The following CLIP4 variants were observed in gnomAD, a reference collection of about 807,000 sequenced individuals.
CLIP4 encodes the protein CAP-Gly domain-containing linker protein 4.
CLIP4 carries 47 observed loss-of-function variants against 73.1 expected under a neutral mutation model. The ratio of observed to expected loss-of-function variants is 0.64; its 90% CI spans 0.51 to 0.82. The LOEUF is 0.82. Ranked by LOEUF, CLIP4 falls within the 40% of genes least tolerant of loss-of-function variation. CLIP4 has a pLI of 0.00. For synonymous variants in CLIP4, 306 were observed against 295.4 expected (o/e 1.04, Z -0.37); for missense variants, 874 against 852.9 (o/e 1.02, Z -0.31).
chr2:29,144,403 T>C (rs1572944936), intron 7 of CLIP4, among the ~76,000 whole-genome samples: 1 of 152,198 alleles, frequency 6.6e-6, no homozygotes. Flanking sequence ...AGGATTTGTG[T>C]GGAAAAGAGG....
At chr2:29,138,262 G>A (rs899134861) in intron 6 of CLIP4, among the ~76,000 whole-genome samples, 2 of 151,984 alleles carry the variant, frequency 1.3e-5, no homozygotes, top group Non-Finnish European at 2.9e-5. Context: ...TGAGTAGAGT[G>A]TCCTTTCCCT....
chr2:29,147,752 T>C (rs1389163850), intron 8 of CLIP4, among the ~76,000 whole-genome samples: 2 of 152,184 alleles, frequency 1.3e-5, no homozygotes, highest in African/African-American at 4.8e-5. Flanking sequence ...TAAATTGTTG[T>C]TAACCATCTT....
chr2:29,169,166 A>G (rs1014267432), intron 14 of CLIP4, among the ~76,000 whole-genome samples: 4 of 152,210 alleles, frequency 2.6e-5, no homozygotes, highest in Non-Finnish European at 4.4e-5. Flanking sequence ...GTGACAAAGT[A>G]CCACAGACTG....
intron 8 of CLIP4, 122 bp from the exon 9 acceptor site, chr2:29,152,563 A>C: frequency 1.0e-6 from 1 of 977,664 alleles, no homozygotes; most frequent in South Asian, 1.8e-5. Flanking sequence ...TCCTCTCATC[A>C]TAGGACATGC....
chr2:29,133,956 G>C (rs866731799), intron 5 of CLIP4, 140 bp downstream of exon 5: 1 of 677,878 alleles, frequency 1.5e-6, no homozygotes, highest in African/African-American at 1.8e-5. Context: ...TTCTGAGATA[G>C]TTTAAAATTT....
rs200072625 is a variant in CLIP4 at position 29,140,053 on chromosome 2, TTTTA to T, written c.649-3644_649-3641del. Among the ~76,000 whole-genome samples the T allele has an allele frequency of 7.2e-3, 1,102 of 152,074 alleles. 13 individuals are homozygous for T. The highest frequency in any genetic ancestry group is 0.024 in the African/African-American group (999 of 41,520). ...GTTCTTATTTATTTTTTTAACGTGT[TTTTA>T]TTTATTTATTTTTATTTTTTATTTT... is the stretch of plus-strand genomic sequence containing the variant. On this transcript the variant is annotated intron_variant, in intron 6 of 15. Transcript: ENST00000320081.
Position 29,163,811 on chromosome 2 carries a change from A to G in CLIP4, c.1535-20A>G, listed in dbSNP as rs971182828. 1 of 1,605,182 alleles carries G rather than the reference A, an allele frequency of 6.2e-7. No individual in the cohort carries two copies. Among genetic ancestry groups the G allele is most frequent in the African/African-American group, 1.3e-5 (1 of 74,536 alleles). On this transcript the variant is annotated intron_variant, in intron 12 of 15. Transcript: ENST00000320081. ...TGGATAAAGTACAGATGCTTTTGAA[A>G]TGCAATATTCATGTTCTAGGATATT...
intron 8 of CLIP4, among the ~76,000 whole-genome samples, chr2:29,152,263 T>C (rs945613325): frequency 1.1e-4 from 17 of 152,198 alleles, no homozygotes; most frequent in African/African-American, 4.1e-4. Context: ...TATGGCTCAC[T>C]GTTATTTGCC....
chr2:29,121,326 T>C, intron 1 of CLIP4, 48 bp from the exon 2 acceptor site: 1 of 1,520,092 alleles, frequency 6.6e-7, no homozygotes, highest in Non-Finnish European at 8.8e-7. Context: ...TCATTCTAAG[T>C]TGCATACAAA....
chr2:29,145,396 G>GA (rs1213364695), intron 8 of CLIP4, 29 bp downstream of exon 8: 1 of 1,533,756 alleles, frequency 6.5e-7, no homozygotes, highest in Admixed American at 1.9e-5. Flanking sequence ...AACTCGGTAA[G>GA]AATTAATTAA....
rs556737799 is a variant in CLIP4 at position 29,162,681 on chromosome 2, G to A, written c.1535-1150G>A. Among the ~76,000 whole-genome samples the A allele has an allele frequency of 3.3e-5, 5 of 152,284 alleles. No individual in the cohort carries two copies. In the East Asian group the frequency reaches 7.7e-4, roughly 24 times the overall value. On this transcript the variant is annotated intron_variant, in intron 12 of 15. Transcript: ENST00000320081. ...ACTGTAGCACTGAGAAATAACAGTG[G>A]CAACCAGACTAACCTGGTTTAGGAC...
At chr2:29,157,158 C>T in intron 10 of CLIP4, 46 bp from the exon 11 acceptor site, 2 of 1,550,382 alleles carry the variant, frequency 1.3e-6, no homozygotes, top group Non-Finnish European at 1.8e-6. Context: ...GCTTCTTGGT[C>T]CACATCTTAT....
intron 9 of CLIP4, among the ~76,000 whole-genome samples, chr2:29,154,925 A>G (rs6725205): frequency 0.35 from 53,017 of 152,112 alleles, 10,635 homozygotes; most frequent in East Asian, 0.72. Context: ...CTAAAATGAA[A>G]CAGTCAACAT....
chr2:29,118,398 C>A (rs1275308755), intron 1 of CLIP4: 1 of 152,158 alleles, frequency 6.6e-6, no homozygotes, highest in Non-Finnish European at 1.5e-5. Context: ...CTTTTGCTAA[C>A]AGCTAACTTG....
At chr2:29,154,253 C>T (rs556905179) in intron 9 of CLIP4, among the ~76,000 whole-genome samples, 5 of 152,138 alleles carry the variant, frequency 3.3e-5, no homozygotes, top group African/African-American at 4.8e-5. Context: ...CAAGAGAAGC[C>T]CCCTCTATTT....
At chr2:29,143,169 A>G (rs1665890383) in intron 6 of CLIP4, among the ~76,000 whole-genome samples, 2 of 152,294 alleles carry the variant, frequency 1.3e-5, no homozygotes, top group South Asian at 2.1e-4. Flanking sequence ...TTTGTTTCCA[A>G]GCTTGCTTTC....
At chr2:29,129,449 CTGTT>C (rs768012321) in intron 2 of CLIP4, among the ~76,000 whole-genome samples, 17 of 149,872 alleles carry the variant, frequency 1.1e-4, no homozygotes, top group Admixed American at 5.3e-4. Flanking sequence ...ATCTCTGTGT[CTGTT>C]TGTGTATACA....
chr2:29,116,592 G>A (rs965686354), intron 1 of CLIP4, among the ~76,000 whole-genome samples: 5 of 152,216 alleles, frequency 3.3e-5, no homozygotes, highest in African/African-American at 1.2e-4. Context: ...GTGGTGCGGG[G>A]CATTGAGCAA....
intron 1 of CLIP4, among the ~76,000 whole-genome samples, chr2:29,120,264 A>G (rs571866223): frequency 6.6e-6 from 1 of 152,318 alleles, no homozygotes; most frequent in African/African-American, 2.4e-5. Context: ...ATTTTTGAGG[A>G]AAAAGAAAGC....
Sources: allele counts gnomAD v4.1 joint callset (sites outside exome capture counted in the v4.1 genomes callset), GRCh38; gene constraint gnomAD v4.1.1; transcripts MANE v1.5; gene names NCBI Gene and HGNC (gene_info 2026-07-23, HGNC 2026-07-21).